MBNL2: variants seen among roughly 807,000 people sequenced by gnomAD.
MBNL2 encodes the protein muscleblind like splicing regulator 2.
Under a neutral mutation model 41.9 loss-of-function variants are expected in MBNL2, and 17 were observed. The ratio of observed to expected loss-of-function variants is 0.41; its 90% CI spans 0.28 to 0.61. The LOEUF (loss-of-function observed/expected upper bound fraction) is 0.61, where lower values mean the gene tolerates loss of function less well. MBNL2 is among the 20% of genes least tolerant of loss of function. MBNL2 has a pLI of 0.35. For missense variants in MBNL2, 336 were observed against 505.6 expected (o/e 0.66, Z 3.22); for synonymous variants, 195 against 182.9 (o/e 1.07, Z -0.53).
intron 2 of MBNL2, among the ~76,000 whole-genome samples, chr13:97,296,208 C>G (rs141829763): frequency 1.1e-3 from 161 of 152,238 alleles, no homozygotes; most frequent in African/African-American, 3.5e-3. Context: ...GATTTTGATT[C>G]ATTTCTCTTT....
At chr13:97,242,216 T>C (rs1175637340) in intron 1 of MBNL2, among the ~76,000 whole-genome samples, 1 of 152,092 alleles carries the variant, frequency 6.6e-6, no homozygotes, top group Non-Finnish European at 1.5e-5. Context: ...CAAAAGGCAA[T>C]GTTCTTCTTT....
chr13:97,203,188 A>C, the MBNL2 span, among the ~76,000 whole-genome samples: 1 of 152,166 alleles, frequency 6.6e-6, no homozygotes, highest in South Asian at 2.1e-4. Context: ...TTGCAAATAA[A>C]AAGGTCAAGA....
the MBNL2 span, among the ~76,000 whole-genome samples, chr13:97,195,565 T>C: frequency 6.6e-6 from 1 of 152,224 alleles, no homozygotes; most frequent in Non-Finnish European, 1.5e-5. Context: ...TGCTCATTTT[T>C]AGTCTTGCTG....
the MBNL2 span, among the ~76,000 whole-genome samples, chr13:97,146,475 A>C: frequency 6.6e-6 from 1 of 152,204 alleles, no homozygotes; most frequent in African/African-American, 2.4e-5. Flanking sequence ...AAATGAGCAC[A>C]GAAGGAGTGC....
At chr13:97,291,345 G>A (rs1392032310) in intron 2 of MBNL2, among the ~76,000 whole-genome samples, 1 of 151,958 alleles carries the variant, frequency 6.6e-6, no homozygotes, top group East Asian at 1.9e-4. Flanking sequence ...GGGTTCAAGC[G>A]ATTCTCCTGC....
At chr13:97,375,776 A>G (rs548340957) in intron 8 of MBNL2, among the ~76,000 whole-genome samples, 36 of 152,346 alleles carry the variant, frequency 2.4e-4, no homozygotes, top group African/African-American at 8.7e-4. Flanking sequence ...TGGTTTAGAA[A>G]GGAACTTCAG....
At chr13:97,365,408 G>C (rs1001086883) in intron 8 of MBNL2, among the ~76,000 whole-genome samples, 2 of 152,260 alleles carry the variant, frequency 1.3e-5, no homozygotes, top group East Asian at 3.9e-4. Flanking sequence ...CCACAAGTAC[G>C]AGTCTGCTTT....
At chr13:97,349,044 C>T (rs1347546759) in intron 5 of MBNL2, among the ~76,000 whole-genome samples, 1 of 152,180 alleles carries the variant, frequency 6.6e-6, no homozygotes, top group African/African-American at 2.4e-5. Flanking sequence ...TCATCTAAAT[C>T]ACTGTTTTTG....
the MBNL2 span, among the ~76,000 whole-genome samples, chr13:97,166,791 GATAGAT>G: frequency 1.4e-5 from 1 of 72,132 alleles, no homozygotes; most frequent in African/African-American, 5.4e-5. Flanking sequence ...TTGATAGATA[GATAGAT>G]AGATAGATAG....
the MBNL2 span, among the ~76,000 whole-genome samples, chr13:97,195,878 G>A: frequency 1.3e-5 from 2 of 152,148 alleles, no homozygotes; most frequent in Non-Finnish European, 2.9e-5. Flanking sequence ...GGTACAGCAA[G>A]TGTTGCTGTA....
the MBNL2 span, among the ~76,000 whole-genome samples, chr13:97,182,711 T>C: frequency 1.7e-3 from 262 of 152,292 alleles, 2 homozygotes; most frequent in African/African-American, 5.9e-3. Flanking sequence ...AACGAAGATA[T>C]GGTGAATTTT....
upstream of MBNL2, among the ~76,000 whole-genome samples, chr13:97,216,977 AATAC>A (rs1403799396): frequency 2.7e-5 from 4 of 148,846 alleles, no homozygotes; most frequent in Non-Finnish European, 5.9e-5. Flanking sequence ...ATGTATACAT[AATAC>A]ATAATATATA....
chr13:97,336,501 C>T (rs867528598), intron 3 of MBNL2, among the ~76,000 whole-genome samples: 6 of 151,982 alleles, frequency 3.9e-5, no homozygotes, highest in African/African-American at 7.3e-5. Flanking sequence ...TTATAAGAGA[C>T]GCTCATATAA....
At chr13:97,200,799 T>C in the MBNL2 span, among the ~76,000 whole-genome samples, 1 of 152,200 alleles carries the variant, frequency 6.6e-6, no homozygotes. Flanking sequence ...AGGAAGCATG[T>C]CACTCTACCC....
chr13:97,264,250 A>G (rs2049273031), intron 1 of MBNL2, among the ~76,000 whole-genome samples: 1 of 149,758 alleles, frequency 6.7e-6, no homozygotes, highest in Non-Finnish European at 1.5e-5. Context: ...GATGGTCTCC[A>G]TCTCCTAACC....
the MBNL2 span, among the ~76,000 whole-genome samples, chr13:97,198,175 A>G: frequency 6.6e-6 from 1 of 152,160 alleles, no homozygotes; most frequent in Admixed American, 6.5e-5. Flanking sequence ...ATGAGACTGG[A>G]TGAGATTCAA....
upstream of MBNL2, chr13:97,222,321 G>C: frequency 1.0e-5 from 4 of 398,344 alleles, no homozygotes; most frequent in Non-Finnish European, 1.8e-5. Flanking sequence ...GCAGCTTACA[G>C]CAACAGAGTT....
At chr13:97,205,454 A>T in the MBNL2 span, among the ~76,000 whole-genome samples, 4 of 152,130 alleles carry the variant, frequency 2.6e-5, no homozygotes, top group African/African-American at 9.7e-5. Context: ...CTGCATATAA[A>T]GTATATGACA....
At chr13:97,304,119 T>G (rs1262791123) in intron 2 of MBNL2, among the ~76,000 whole-genome samples, 1 of 152,200 alleles carries the variant, frequency 6.6e-6, no homozygotes, top group Non-Finnish European at 1.5e-5. Flanking sequence ...ATCCCACACC[T>G]GAAGAAAGGC....
Sources: gnomAD v4.1 joint callset for allele counts (sites outside exome capture counted in the v4.1 genomes callset) on GRCh38, gnomAD v4.1.1 for gene constraint, MANE v1.5 for transcripts, NCBI Gene and HGNC (gene_info 2026-07-23, HGNC 2026-07-21) for gene names.